CRADD: variants seen among roughly 807,000 people sequenced by gnomAD.
CRADD encodes the protein death domain-containing protein CRADD.
Under a neutral mutation model 15.5 loss-of-function variants are expected in CRADD, and 9 were observed. The observed-to-expected ratio is 0.58, with a 90% CI of 0.35 to 1.01. The LOEUF is 1.01. Ranked by LOEUF, CRADD falls within the 50% of genes least tolerant of loss-of-function variation. The pLI, the probability that CRADD is intolerant of heterozygous loss-of-function variation, is 0.02. For synonymous variants in CRADD, 118 were observed against 107.6 expected (o/e 1.10, Z -0.60); for missense variants, 227 against 250.3 (o/e 0.91, Z 0.63).
chr12:93,750,267 G>A (rs956154132), intron 2 of CRADD, among the ~76,000 whole-genome samples: 3 of 151,214 alleles, frequency 2.0e-5, no homozygotes, highest in Non-Finnish European at 4.5e-5. Context: ...CAACTGAATC[G>A]GGGCTTTATT....
At chr12:93,849,844 G>A (rs1958188282) in intron 2 of CRADD, 126 bp from the exon 3 acceptor site, 2 of 680,484 alleles carry the variant, frequency 2.9e-6, no homozygotes, top group South Asian at 1.6e-5. Flanking sequence ...CCAGGAAGAA[G>A]ACAAGAGCCA....
chr12:93,893,648 G>A (rs1290890090), intron 2 of CRADD, among the ~76,000 whole-genome samples: 1 of 152,212 alleles, frequency 6.6e-6, no homozygotes, highest in Non-Finnish European at 1.5e-5. Flanking sequence ...GCTCATGCCT[G>A]TAATCCCAAC....
At chr12:93,852,387 C>T (rs112329827), downstream of CRADD, among the ~76,000 whole-genome samples, 197 of 152,370 alleles carry the variant, frequency 1.3e-3, 1 homozygote, top group African/African-American at 4.6e-3. Context: ...CACTCGTGGG[C>T]TCTGTCAGCA....
chr12:93,756,169 CTGAG>C (rs911224436), intron 2 of CRADD, among the ~76,000 whole-genome samples: 14 of 152,308 alleles, frequency 9.2e-5, no homozygotes, highest in East Asian at 1.9e-4. Flanking sequence ...TCATTACTTA[CTGAG>C]TATTTGCCCC....
chr12:93,836,512 T>C (rs1002482240), intron 2 of CRADD, among the ~76,000 whole-genome samples: 1 of 152,196 alleles, frequency 6.6e-6, no homozygotes, highest in Non-Finnish European at 1.5e-5. Context: ...TAGCCCAGTT[T>C]GGCATAAAAA....
chr12:93,699,957 A>C (rs1464289804), intron 2 of CRADD, among the ~76,000 whole-genome samples: 2 of 152,198 alleles, frequency 1.3e-5, no homozygotes, highest in Non-Finnish European at 2.9e-5. Context: ...ATTTCAGCAG[A>C]GCATGCAGCA....
chr12:93,802,971 C>T lies in CRADD; in HGVS notation c.299-46999C>T, dbSNP rs560405198. Among the ~76,000 whole-genome samples, 10 of 152,278 alleles carry T rather than the reference C, an allele frequency of 6.6e-5. No individual in the cohort carries two copies. In the East Asian group the frequency reaches 1.2e-3, roughly 18 times the overall value. ...ATGCCTCTGAAACAATACCATTTTG[C>T]CCCCAATGCCAGTTTTATTTCAGAG... On this transcript the variant is annotated intron_variant, in intron 2 of 2. Coordinates refer to ENST00000332896, the MANE Select transcript of CRADD (RefSeq NM_003805.5).
chr12:93,682,565 T>C (rs1228864019), intron 2 of CRADD, among the ~76,000 whole-genome samples: 5 of 152,228 alleles, frequency 3.3e-5, no homozygotes, highest in African/African-American at 1.2e-4. Context: ...TGGTTTGTTG[T>C]TTTAATTTTC....
intron 2 of CRADD, among the ~76,000 whole-genome samples, chr12:93,732,194 G>A (rs554705685): frequency 1.3e-5 from 2 of 151,454 alleles, no homozygotes; most frequent in Non-Finnish European, 2.9e-5. Flanking sequence ...TATATGACAT[G>A]AGCAATTTGC....
chr12:93,691,881 T>TA (rs1264003724), intron 2 of CRADD, among the ~76,000 whole-genome samples: 1 of 152,020 alleles, frequency 6.6e-6, no homozygotes, highest in Non-Finnish European at 1.5e-5. Context: ...TGAAATTATT[T>TA]AAAAAAATCA....
At chr12:93,780,927 T>A (rs1292995644) in intron 2 of CRADD, among the ~76,000 whole-genome samples, 3 of 148,272 alleles carry the variant, frequency 2.0e-5, no homozygotes, top group African/African-American at 7.6e-5. Context: ...TTTTTTTTTT[T>A]GTATTTTTAG....
At chr12:93,733,885 G>A (rs143860270) in intron 2 of CRADD, among the ~76,000 whole-genome samples, 6 of 151,952 alleles carry the variant, frequency 3.9e-5, no homozygotes, top group East Asian at 1.9e-4. Flanking sequence ...ACAGGCATGC[G>A]CTACCACACC....
chr12:93,830,241 GA>G (rs1957878150), intron 2 of CRADD, among the ~76,000 whole-genome samples: 1 of 152,140 alleles, frequency 6.6e-6, no homozygotes, highest in African/African-American at 2.4e-5. Context: ...TTTACGCTTG[GA>G]AGGCTCCCAG....
intron 2 of CRADD, among the ~76,000 whole-genome samples, chr12:93,816,822 C>T (rs1957705128): frequency 6.6e-6 from 1 of 152,144 alleles, no homozygotes. Flanking sequence ...ATCACCTACT[C>T]CCTGCACTCG....
chr12:93,838,858 A>G (rs114823666), intron 2 of CRADD, among the ~76,000 whole-genome samples: 3,061 of 152,034 alleles, frequency 0.02, 93 homozygotes, highest in African/African-American at 0.069. Flanking sequence ...TCCCTGGCTC[A>G]GGTGATCTTC....
intron 2 of CRADD, among the ~76,000 whole-genome samples, chr12:93,873,278 ATTTG>A (rs1201860596): frequency 6.6e-6 from 1 of 152,106 alleles, no homozygotes; most frequent in Non-Finnish European, 1.5e-5. Flanking sequence ...ACTTTACTGA[ATTTG>A]TTTATCAGTT....
At chr12:93,775,872 G>A (rs1957135196) in intron 2 of CRADD, among the ~76,000 whole-genome samples, 3 of 152,174 alleles carry the variant, frequency 2.0e-5, no homozygotes, top group Admixed American at 6.5e-5. Context: ...TAGGGTTTCA[G>A]AGGACTCTAG....
At chr12:93,852,569 A>G (rs1368127576), downstream of CRADD, among the ~76,000 whole-genome samples, 2 of 152,228 alleles carry the variant, frequency 1.3e-5, no homozygotes, top group Non-Finnish European at 2.9e-5. Flanking sequence ...TGCAGAGTGG[A>G]AGAACAGAGC....
chr12:93,850,577 A>G lies in CRADD; in HGVS notation c.*306A>G. On this transcript the variant is annotated 3_prime_UTR_variant, in exon 3 of 3. Coordinates refer to ENST00000332896, the MANE Select transcript of CRADD (RefSeq NM_003805.5). This position sits in a 1 kb window ranked among gnomAD's most constrained non-coding sequence, Gnocchi z 4.0. ...AGTAAATCACAGTGGTTCAAAATAT[A>G]TATCCATATATATATATATCCATAT... 1 of 967,254 alleles carries G rather than the reference A, an allele frequency of 1.0e-6. No individual in the cohort carries two copies. The highest frequency in any genetic ancestry group is 1.3e-6 in the Non-Finnish European group (1 of 796,284). The allele number at this position is 967,254 out of a possible 1,614,324, so 59.9% of individuals were successfully genotyped here.
Sources: allele counts gnomAD v4.1 joint callset (sites outside exome capture counted in the v4.1 genomes callset), GRCh38; gene constraint gnomAD v4.1.1; non-coding constraint Gnocchi (gnomAD v3.1); transcripts MANE v1.5; gene names NCBI Gene and HGNC (gene_info 2026-07-23, HGNC 2026-07-21).